CFH: variants seen among roughly 807,000 people sequenced by gnomAD.
The protein encoded by CFH is complement factor H.
A neutral mutation model predicts 147.3 loss-of-function variants in CFH; 53 were observed. That is an observed-to-expected ratio of 0.36 (90% CI 0.29 to 0.45). CFH has a LOEUF of 0.45. Among genes scored for constraint, CFH ranks in the 20% least tolerant of loss-of-function variants. The pLI, the probability that CFH is intolerant of heterozygous loss-of-function variation, is 1.00. For missense variants in CFH, 1,380 were observed against 1,498.0 expected (o/e 0.92, Z 1.30); for synonymous variants, 536 against 489.4 (o/e 1.10, Z -1.26).
chr1:196,663,543 C>T (rs1666975724), intron 1 of CFH, among the ~76,000 whole-genome samples: 1 of 152,082 alleles, frequency 6.6e-6, no homozygotes, highest in South Asian at 2.1e-4. Context: ...ATTCCAATAT[C>T]AAATATCTAT....
chr1:196,713,709 CT>C, intron 9 of CFH, 25 bp from the exon 10 acceptor site: 4 of 1,432,864 alleles, frequency 2.8e-6, no homozygotes, highest in Non-Finnish European at 3.9e-6. Context: ...ATATGCTTGT[CT>C]TTTTCTTATT....
Position 196,679,676 on chromosome 1 carries a change from A to T in CFH, c.673A>T (p.Ile225Phe). ...VINGSPISQK[I>F]IYKENERFQY... The stretch of plus-strand genomic sequence containing the variant: ...AAATGGATCTCCTATATCTCAGAAG[A>T]TTATTTATAAGGAGAATGAACGATT... Residue 225 changes from isoleucine to phenylalanine, a missense_variant, in exon 6 of 22, where the codon ATT becomes TTT. Physicochemically the swap from Ile to Phe is conservative, Grantham distance 21. Around this residue, in one of 4 missense-constraint regions of CFH, gnomAD observed 167 missense variants for 228.0 expected, o/e 0.73. Coordinates refer to ENST00000367429, the MANE Select transcript of CFH (RefSeq NM_000186.4). The T allele has an allele frequency of 1.2e-6, 2 of 1,607,774 alleles. No homozygotes were observed. The highest frequency in any genetic ancestry group is 1.7e-6 in the Non-Finnish European group (2 of 1,175,144).
intron 7 of CFH, among the ~76,000 whole-genome samples, chr1:196,686,389 G>A (rs1667828434): frequency 6.6e-6 from 1 of 152,022 alleles, no homozygotes; most frequent in Non-Finnish European, 1.5e-5. Flanking sequence ...TAGTGTTGGA[G>A]GTAATTTCCA....
At position 196,745,855 on chromosome 1, in the gene CFH, A is replaced by T; in HGVS notation, c.3349A>T (p.Asn1117Tyr). The T allele has an allele frequency of 6.2e-7, 1 of 1,614,120 alleles. No individual in the cohort carries two copies. Among genetic ancestry groups the T allele is most frequent in the Non-Finnish European group, 8.5e-7 (1 of 1,180,014 alleles). Residue 1117 changes from asparagine (N) to tyrosine (Y), a missense_variant, in exon 21 of 22, where the codon AAT becomes TAT. Physicochemically the swap from Asn to Tyr is moderately radical, Grantham distance 143. Coordinates refer to ENST00000367429, the MANE Select transcript of CFH (RefSeq NM_000186.4). ...GKCGPPPPIDNGDITSFPLSV... is the reference protein window; with the variant it reads ...GKCGPPPPIDYGDITSFPLSV... ...ATGTGGGCCCCCTCCACCTATTGAC[A>T]ATGGGGACATTACTTCATTCCCGTT...
chr1:196,746,092 A>G, intron 21 of CFH, 93 bp downstream of exon 21: 1 of 1,599,652 alleles, frequency 6.3e-7, no homozygotes. Context: ...ATTATTGAAC[A>G]ACCATTCTGC....
chr1:196,690,522 G>A (rs1293582958), intron 9 of CFH: 15 of 452,920 alleles, frequency 3.3e-5, no homozygotes, highest in East Asian at 1.9e-4. Flanking sequence ...GTATTGAAGC[G>A]GCATCATTGT....
intron 11 of CFH, among the ~76,000 whole-genome samples, 177 bp downstream of exon 11, chr1:196,715,946 G>A (rs1174080788): frequency 6.6e-6 from 1 of 152,046 alleles, no homozygotes; most frequent in Admixed American, 6.6e-5. Context: ...CTAAAGTAGT[G>A]CATTAAATTA....
At chr1:196,654,559 T>C (rs929608186) in intron 1 of CFH, among the ~76,000 whole-genome samples, 3 of 152,178 alleles carry the variant, frequency 2.0e-5, no homozygotes, top group Admixed American at 2.0e-4. Flanking sequence ...TTTTGAAATA[T>C]AGTATGACCA....
intron 6 of CFH, among the ~76,000 whole-genome samples, chr1:196,684,144 C>T (rs1489955356): frequency 3.4e-4 from 51 of 151,836 alleles, no homozygotes; most frequent in Non-Finnish European, 4.4e-5. Flanking sequence ...ATACACTGGG[C>T]CAAAGGATGG....
rs577342442 is a variant in CFH at position 196,685,246 on chromosome 1, C to T, written c.964+9C>T. 42 of 1,612,344 alleles carry T rather than the reference C, an allele frequency of 2.6e-5. No homozygotes were observed. The South Asian group carries it at 4.5e-4, about 17-fold the overall frequency. On this transcript the variant is annotated intron_variant, in intron 7 of 21. Coordinates refer to ENST00000367429, the MANE Select transcript of CFH (RefSeq NM_000186.4). ...TGCTCCGAGATGTACCTGTAAGTTC[C>T]ATTCATATCTTGACCCATTTCTTAA...
At chr1:196,721,906 C>T (rs1422027681) in intron 11 of CFH, among the ~76,000 whole-genome samples, 2 of 151,640 alleles carry the variant, frequency 1.3e-5, no homozygotes, top group Non-Finnish European at 2.9e-5. Context: ...TATCTGTCTC[C>T]ATACCTTTAC....
At chr1:196,654,885 T>C (rs529370467) in intron 1 of CFH, among the ~76,000 whole-genome samples, 1 of 152,156 alleles carries the variant, frequency 6.6e-6, no homozygotes, top group South Asian at 2.1e-4. Flanking sequence ...TGAATTTCAG[T>C]GTGATAAATA....
chr1:196,673,497 C>A, intron 2 of CFH: 1 of 370,372 alleles, frequency 2.7e-6, no homozygotes, highest in Non-Finnish European at 5.1e-6. Context: ...CCACCACGCC[C>A]GGCTAATTTT....
chr1:196,710,852 C>T (rs566293765), intron 9 of CFH, among the ~76,000 whole-genome samples: 2 of 151,930 alleles, frequency 1.3e-5, no homozygotes, highest in Non-Finnish European at 2.9e-5. Flanking sequence ...TTTCATCCAT[C>T]AACGAAAAAT....
In CFH at chr1:196,745,730, A is replaced by C. The variant is rs56157006; in HGVS notation, c.3311-87A>C. On this transcript the variant is annotated intron_variant, in intron 20 of 21. Coordinates refer to ENST00000367429, the MANE Select transcript of CFH (RefSeq NM_000186.4). ...AATCACAAAACTGTTGATATTATAT[A>C]CAGTGCTGTGTTTGCGTTTGCCTTA... The C allele has an allele frequency of 3.2e-6, 5 of 1,560,078 alleles. No individual in the cohort carries two copies. The East Asian group carries it at 1.1e-4, about 35-fold the overall frequency.
intron 15 of CFH, among the ~76,000 whole-genome samples, chr1:196,734,561 C>G (rs1573073814): frequency 6.6e-6 from 1 of 152,076 alleles, no homozygotes; most frequent in South Asian, 2.1e-4. Context: ...ATATTGGTCT[C>G]TGTTTACTTT....
intron 1 of CFH, among the ~76,000 whole-genome samples, chr1:196,671,613 C>CACACACACACAT (rs1203407666): frequency 6.7e-6 from 1 of 150,248 alleles, no homozygotes; most frequent in African/African-American, 2.4e-5. Context: ...CACACACACA[C>CACACACACACAT]ACACACACAC....
chr1:196,673,365 T>A (rs1667347964), intron 2 of CFH: 1 of 566,262 alleles, frequency 1.8e-6, no homozygotes, highest in African/African-American at 1.9e-5. Flanking sequence ...TGAGATGGAG[T>A]CTCCCTCTAT....
intron 4 of CFH, 151 bp downstream of exon 4, chr1:196,676,216 A>G: frequency 1.9e-6 from 1 of 521,724 alleles, no homozygotes; most frequent in Non-Finnish European, 3.2e-6. Flanking sequence ...TAGTCTTTTT[A>G]TTACTACATT....
Sources: allele counts gnomAD v4.1 joint callset (sites outside exome capture counted in the v4.1 genomes callset), GRCh38; gene constraint gnomAD v4.1.1; regional missense constraint gnomAD v4.1.1; transcripts MANE v1.5; gene names NCBI Gene and HGNC (gene_info 2026-07-23, HGNC 2026-07-21).